ROBO2: variants seen among roughly 807,000 people sequenced by gnomAD.
ROBO2 encodes roundabout guidance receptor 2.
ROBO2 carries 53 observed loss-of-function variants against 160.8 expected under a neutral mutation model. That is an observed-to-expected ratio of 0.33 (90% CI 0.26 to 0.41). The LOEUF (loss-of-function observed/expected upper bound fraction) is 0.41. Among genes scored for constraint, ROBO2 ranks in the 10% least tolerant of loss-of-function variants. The pLI, the probability that ROBO2 is intolerant of heterozygous loss-of-function variation, is 1.00. For missense variants in ROBO2, 1,577 were observed against 1,722.4 expected (o/e 0.92, Z 1.49); for synonymous variants, 664 against 611.7 (o/e 1.09, Z -1.26).
At chr3:77,427,220 G>C (rs2078297001) in intron 2 of ROBO2, among the ~76,000 whole-genome samples, 1 of 152,166 alleles carries the variant, frequency 6.6e-6, no homozygotes, top group Non-Finnish European at 1.5e-5. Context: ...TCCTGAAGTT[G>C]TATCTTATGG....
intron 2 of ROBO2, among the ~76,000 whole-genome samples, chr3:76,439,687 T>G (rs1195054462): frequency 6.6e-6 from 1 of 152,170 alleles, no homozygotes; most frequent in Non-Finnish European, 1.5e-5. Flanking sequence ...TACAATTTCT[T>G]GTAAAGAAAT....
chr3:76,510,427 G>A (rs1363109441), intron 2 of ROBO2, among the ~76,000 whole-genome samples: 1 of 152,000 alleles, frequency 6.6e-6, no homozygotes, highest in Non-Finnish European at 1.5e-5. Context: ...ATGAATAGAA[G>A]TTAATGAAAA....
At chr3:76,232,492 G>T (rs1704679609) in intron 2 of ROBO2, among the ~76,000 whole-genome samples, 1 of 152,132 alleles carries the variant, frequency 6.6e-6, no homozygotes, top group African/African-American at 2.4e-5. Context: ...TTGGAAAGGA[G>T]AATATATTTA....
intron 2 of ROBO2, among the ~76,000 whole-genome samples, chr3:75,998,785 A>C (rs925024256): frequency 1.3e-5 from 2 of 152,208 alleles, no homozygotes; most frequent in African/African-American, 2.4e-5. Flanking sequence ...AACACAAACT[A>C]AAATAATTAG....
intron 2 of ROBO2, among the ~76,000 whole-genome samples, chr3:76,669,735 A>G (rs540738325): frequency 6.6e-6 from 1 of 152,324 alleles, no homozygotes; most frequent in African/African-American, 2.4e-5. Flanking sequence ...ATGCTGTTAC[A>G]TCTTTAACTA....
intron 2 of ROBO2, among the ~76,000 whole-genome samples, chr3:77,350,248 T>G (rs1322599899): frequency 6.6e-6 from 1 of 151,940 alleles, no homozygotes; most frequent in East Asian, 1.9e-4. Flanking sequence ...CAGGTAATTT[T>G]GGGAGGCTGA....
In ROBO2 at chr3:76,156,164, A is replaced by C. The variant is rs115523128; in HGVS notation, c.109+218562A>C. 1.2e-3 allele frequency among the ~76,000 whole-genome samples: 186 copies of C among 152,162 alleles called. 1 individual carries two copies. Among genetic ancestry groups the C allele is most frequent in the African/African-American group, 4.3e-3 (180 of 41,520 alleles). ...TACTTTTTCTGAATCAGAACATCGT[A>C]AGTGCTGTATTACATATTATAGAAG... On this transcript the variant is annotated intron_variant, in intron 2 of 26. Coordinates refer to the ROBO2 transcript ENST00000487694.
At chr3:76,827,803 A>G (rs943396460) in intron 2 of ROBO2, among the ~76,000 whole-genome samples, 6 of 147,086 alleles carry the variant, frequency 4.1e-5, no homozygotes, top group Middle Eastern at 6.9e-3. Context: ...AGCAGCTTGG[A>G]AAAAAAAAAG....
At chr3:75,919,773 A>G (rs1291702168) in intron 1 of ROBO2, among the ~76,000 whole-genome samples, 6 of 152,116 alleles carry the variant, frequency 3.9e-5, no homozygotes, top group African/African-American at 1.2e-4. Context: ...GGGAGGCTGT[A>G]TGTGTCCAGG....
At chr3:76,990,487 A>G (rs1435268161) in intron 2 of ROBO2, among the ~76,000 whole-genome samples, 1 of 152,194 alleles carries the variant, frequency 6.6e-6, no homozygotes, top group Non-Finnish European at 1.5e-5. Context: ...TATTCAGAAT[A>G]TAATTTGCTG....
intron 2 of ROBO2, among the ~76,000 whole-genome samples, chr3:76,340,311 C>G (rs2074147590): frequency 6.6e-6 from 1 of 152,106 alleles, no homozygotes. Flanking sequence ...CATTTATCTT[C>G]CAAGTTACCT....
At position 76,169,599 on chromosome 3, in the gene ROBO2, C is replaced by T. The variant is rs528432789; in HGVS notation, c.109+231997C>T. ...ATATACAATACAGGAAATAATGTAT[C>T]TCTCTGCCACTGAATCTGACTTTAT... On this transcript the variant is annotated intron_variant, in intron 2 of 26. Transcript: ENST00000487694. Among the ~76,000 whole-genome samples the T allele has an allele frequency of 3.3e-5, 5 of 152,204 alleles. No homozygotes were observed. The South Asian group carries it at 1.0e-3, about 32-fold the overall frequency.
chr3:76,007,959 T>G (rs1176325053), intron 2 of ROBO2, among the ~76,000 whole-genome samples: 1 of 152,032 alleles, frequency 6.6e-6, no homozygotes, highest in African/African-American at 2.4e-5. Context: ...TGATGCTAAA[T>G]AAGTCTGGGC....
At chr3:76,361,600 A>G (rs1216064687) in intron 2 of ROBO2, among the ~76,000 whole-genome samples, 2 of 152,082 alleles carry the variant, frequency 1.3e-5, no homozygotes, top group East Asian at 1.9e-4. Flanking sequence ...TTACTCAAGA[A>G]CCATATAATG....
chr3:77,225,030 A>G (rs2086308609), intron 2 of ROBO2, among the ~76,000 whole-genome samples: 1 of 151,874 alleles, frequency 6.6e-6, no homozygotes, highest in African/African-American at 2.4e-5. Context: ...ATAGAGTATT[A>G]GAAAAAAGTA....
At chr3:76,824,092 G>C (rs1177927862) in intron 2 of ROBO2, among the ~76,000 whole-genome samples, 1 of 152,178 alleles carries the variant, frequency 6.6e-6, no homozygotes, top group Admixed American at 6.5e-5. Flanking sequence ...TCTTCTGCAT[G>C]GTCAAAGCTG....
chr3:75,969,616 G>A (rs2107346777), intron 2 of ROBO2, among the ~76,000 whole-genome samples: 1 of 151,678 alleles, frequency 6.6e-6, no homozygotes, highest in South Asian at 2.1e-4. Flanking sequence ...GTTGTGAAGT[G>A]ATATAGTTGT....
intron 2 of ROBO2, among the ~76,000 whole-genome samples, chr3:76,802,743 A>T (rs1264872743): frequency 6.6e-6 from 1 of 151,916 alleles, no homozygotes; most frequent in Non-Finnish European, 1.5e-5. Flanking sequence ...AAAAAAAAAA[A>T]AGATACCACC....
At chr3:76,798,292 G>GAAAGAA (rs1553909462) in intron 2 of ROBO2, among the ~76,000 whole-genome samples, 2 of 148,676 alleles carry the variant, frequency 1.3e-5, no homozygotes, top group African/African-American at 5.0e-5. Flanking sequence ...AAGAAAGAAA[G>GAAAGAA]AAAGAAAGAA....
Sources: gnomAD v4.1 joint callset for allele counts (sites outside exome capture counted in the v4.1 genomes callset) on GRCh38, gnomAD v4.1.1 for gene constraint, MANE v1.5 for transcripts, NCBI Gene and HGNC (gene_info 2026-07-23, HGNC 2026-07-21) for gene names.